The following CDK5RAP2 variants were observed in gnomAD, a reference collection of about 807,000 sequenced individuals.
The protein encoded by CDK5RAP2 is CDK5 regulatory subunit-associated protein 2.
A neutral mutation model predicts 232.9 loss-of-function variants in CDK5RAP2; 147 were observed. The observed-to-expected ratio is 0.63, with a 90% CI of 0.55 to 0.72. The LOEUF (loss-of-function observed/expected upper bound fraction) is 0.72, where lower values mean the gene tolerates loss of function less well. CDK5RAP2 is among the 30% of genes least tolerant of loss of function. The pLI, the probability that CDK5RAP2 is intolerant of heterozygous loss-of-function variation, is 0.00. For missense variants in CDK5RAP2, 2,195 were observed against 2,231.5 expected (o/e 0.98, Z 0.33); for synonymous variants, 833 against 833.7 (o/e 1.00, Z 0.01).
chr9:120,401,149 T>A, intron 34 of CDK5RAP2: 1 of 465,292 alleles, frequency 2.1e-6, no homozygotes, highest in Non-Finnish European at 3.9e-6. Context: ...TTAACTACAG[T>A]TACTACTCCA....
intron 30 of CDK5RAP2, among the ~76,000 whole-genome samples, chr9:120,408,748 T>C (rs1246598431): frequency 2.0e-5 from 3 of 152,360 alleles, no homozygotes; most frequent in African/African-American, 7.2e-5. Flanking sequence ...CCTCTCCAGA[T>C]ACACTGCCCT....
intron 12 of CDK5RAP2, among the ~76,000 whole-genome samples, chr9:120,517,602 G>A (rs2040394625): frequency 6.6e-6 from 1 of 152,206 alleles, no homozygotes; most frequent in African/African-American, 2.4e-5. Flanking sequence ...CAAATTCAGA[G>A]AGGATTTTTA....
intron 3 of CDK5RAP2, among the ~76,000 whole-genome samples, chr9:120,557,754 C>T (rs1444687931): frequency 3.5e-5 from 5 of 143,112 alleles, no homozygotes; most frequent in African/African-American, 1.3e-4. Flanking sequence ...GTGAGACCCT[C>T]TGTCAAAAAA....
At chr9:120,474,504 A>G (rs1183479265) in intron 15 of CDK5RAP2, among the ~76,000 whole-genome samples, 3 of 152,194 alleles carry the variant, frequency 2.0e-5, no homozygotes, top group African/African-American at 7.2e-5. Flanking sequence ...ATCCAGCCTC[A>G]AAGCCTCATA....
intron 24 of CDK5RAP2, 34 bp downstream of exon 24, chr9:120,439,365 G>T: frequency 6.4e-7 from 1 of 1,565,978 alleles, no homozygotes. Context: ...GGGACTACAG[G>T]CTTAAACGGG....
chr9:120,446,376 G>A (rs528908859), intron 22 of CDK5RAP2, among the ~76,000 whole-genome samples: 22 of 152,192 alleles, frequency 1.4e-4, no homozygotes, highest in African/African-American at 4.8e-4. Flanking sequence ...ACAGGCACGC[G>A]CCACCATGCC....
intron 3 of CDK5RAP2, among the ~76,000 whole-genome samples, chr9:120,566,777 C>G (rs901078059): frequency 1.3e-5 from 2 of 152,210 alleles, no homozygotes; most frequent in African/African-American, 4.8e-5. Flanking sequence ...GGGCCTTAGG[C>G]AGCACAGACT....
chr9:120,449,141 A>T (rs2036356934), intron 21 of CDK5RAP2, among the ~76,000 whole-genome samples: 1 of 152,230 alleles, frequency 6.6e-6, no homozygotes, highest in South Asian at 2.1e-4. Context: ...GCTCTTCAGC[A>T]ACAATGACCT....
intron 3 of CDK5RAP2, among the ~76,000 whole-genome samples, chr9:120,553,338 A>G (rs774503894): frequency 6.6e-6 from 1 of 152,218 alleles, no homozygotes; most frequent in African/African-American, 2.4e-5. Context: ...AACTTCAAGA[A>G]CAGATATTAG....
chr9:120,521,644 C>CTTTTTTT (rs71266575), intron 11 of CDK5RAP2, among the ~76,000 whole-genome samples: 31 of 125,718 alleles, frequency 2.5e-4, no homozygotes, highest in African/African-American at 3.9e-4. Context: ...ACCTCTTTTT[C>CTTTTTTT]TTTTTTTTTT....
chr9:120,404,158 G>T, intron 32 of CDK5RAP2, 45 bp from the exon 33 acceptor site: 1 of 1,212,328 alleles, frequency 8.2e-7, no homozygotes, highest in Non-Finnish European at 1.2e-6. Flanking sequence ...ACTGTTGTCA[G>T]CATTCAAGAG....
chr9:120,468,107 G>T (rs1291285644), intron 17 of CDK5RAP2, 110 bp from the exon 18 acceptor site: 2 of 1,046,722 alleles, frequency 1.9e-6, no homozygotes, highest in Admixed American at 1.8e-5. Flanking sequence ...CCACAGTTAC[G>T]GGGAATCAGG....
At chr9:120,423,263 T>C (rs900819396) in intron 25 of CDK5RAP2, among the ~76,000 whole-genome samples, 10 of 152,216 alleles carry the variant, frequency 6.6e-5, no homozygotes, top group Admixed American at 3.3e-4. Flanking sequence ...AATATTCCAC[T>C]GTAGGCATGC....
chr9:120,451,603 C>T (rs986661965), intron 21 of CDK5RAP2, among the ~76,000 whole-genome samples: 1 of 152,040 alleles, frequency 6.6e-6, no homozygotes, highest in Non-Finnish European at 1.5e-5. Context: ...ATTAAATTTC[C>T]TTCTACTTTG....
intron 15 of CDK5RAP2, among the ~76,000 whole-genome samples, chr9:120,475,527 T>C (rs2037958145): frequency 6.6e-6 from 1 of 152,002 alleles, no homozygotes; most frequent in Admixed American, 6.6e-5. Context: ...TGAAATGAAA[T>C]GTGTCCACTC....
At chr9:120,390,473 G>A (rs761252322) in intron 36 of CDK5RAP2, among the ~76,000 whole-genome samples, 2 of 152,200 alleles carry the variant, frequency 1.3e-5, no homozygotes, top group Non-Finnish European at 2.9e-5. Context: ...ACTGACGCCC[G>A]GAGCACTGTA....
chr9:120,421,928 T>C (rs980062306), intron 26 of CDK5RAP2, among the ~76,000 whole-genome samples: 3 of 152,208 alleles, frequency 2.0e-5, no homozygotes, highest in African/African-American at 7.2e-5. Flanking sequence ...AGCTTCCTCA[T>C]CCTAAAATAG....
intron 27 of CDK5RAP2, among the ~76,000 whole-genome samples, chr9:120,417,399 C>T (rs1056945138): frequency 6.6e-6 from 1 of 152,232 alleles, no homozygotes; most frequent in Non-Finnish European, 1.5e-5. Flanking sequence ...TGGCACTGTA[C>T]CTCCTTGCTC....
chr9:120,428,409 G>A (rs1588306792), intron 25 of CDK5RAP2, among the ~76,000 whole-genome samples: 1 of 151,988 alleles, frequency 6.6e-6, no homozygotes, highest in African/African-American at 2.4e-5. Context: ...ATGCAATAAA[G>A]AATGATAAAG....
Sources: allele counts gnomAD v4.1 joint callset (sites outside exome capture counted in the v4.1 genomes callset), GRCh38; gene constraint gnomAD v4.1.1; transcripts MANE v1.5; gene names NCBI Gene and HGNC (gene_info 2026-07-23, HGNC 2026-07-21).